The following WASF3 variants were observed in gnomAD, a reference collection of about 807,000 sequenced individuals.
WASF3 encodes WASP family member 3, also known as actin-binding protein WASF3.
A neutral mutation model predicts 46.6 loss-of-function variants in WASF3; 11 were observed. That is an observed-to-expected ratio of 0.24 (90% CI 0.15 to 0.39). The LOEUF (loss-of-function observed/expected upper bound fraction) is 0.39. WASF3 is among the 10% of genes least tolerant of loss of function. The pLI is 1.00. For synonymous variants in WASF3, 242 were observed against 259.7 expected (o/e 0.93, Z 0.65); for missense variants, 576 against 669.8 (o/e 0.86, Z 1.55).
At chr13:26,616,889 C>T (rs1195761993) in intron 2 of WASF3, among the ~76,000 whole-genome samples, 1 of 152,158 alleles carries the variant, frequency 6.6e-6, no homozygotes, top group Non-Finnish European at 1.5e-5. Context: ...ACCTGAAGTA[C>T]TACAAGGTCA....
At chr13:26,661,049 G>A (rs941800750) in intron 3 of WASF3, among the ~76,000 whole-genome samples, 1 of 152,226 alleles carries the variant, frequency 6.6e-6, no homozygotes, top group African/African-American at 2.4e-5. Context: ...CTCACCCAGG[G>A]AGGGCATTAG....
At chr13:26,573,314 G>A (rs1593373130) in intron 1 of WASF3, among the ~76,000 whole-genome samples, 1 of 151,842 alleles carries the variant, frequency 6.6e-6, no homozygotes, top group Admixed American at 6.6e-5. Context: ...TTGTATTTGT[G>A]CATTTGCTCA....
At chr13:26,568,504 T>C (rs1277334509) in intron 1 of WASF3, among the ~76,000 whole-genome samples, 1 of 152,126 alleles carries the variant, frequency 6.6e-6, no homozygotes, top group Non-Finnish European at 1.5e-5. Context: ...TGATGAAGAC[T>C]CTGATTGTAT....
chr13:26,658,822 G>T (rs540742624), intron 3 of WASF3, among the ~76,000 whole-genome samples: 2 of 152,162 alleles, frequency 1.3e-5, no homozygotes, highest in African/African-American at 2.4e-5. Context: ...GAGCACAGAG[G>T]GGGTCAAATG....
chr13:26,544,904 T>C, the WASF3 span, among the ~76,000 whole-genome samples: 1 of 152,242 alleles, frequency 6.6e-6, no homozygotes, highest in South Asian at 2.1e-4. Context: ...TCAAGGGCAC[T>C]CTGGACAGGC....
chr13:26,566,907 C>A (rs1879483362), intron 1 of WASF3, among the ~76,000 whole-genome samples: 1 of 152,334 alleles, frequency 6.6e-6, no homozygotes, highest in Admixed American at 6.5e-5. Flanking sequence ...GAAAGGAAAT[C>A]ATCCTCAGCT....
intron 3 of WASF3, among the ~76,000 whole-genome samples, chr13:26,646,687 C>T (rs1882159883): frequency 6.6e-6 from 1 of 152,178 alleles, no homozygotes; most frequent in Non-Finnish European, 1.5e-5. Flanking sequence ...AACACCAGTG[C>T]AACTTAGGGA....
chr13:26,606,183 T>G (rs1054483993), intron 1 of WASF3, among the ~76,000 whole-genome samples: 3 of 152,078 alleles, frequency 2.0e-5, no homozygotes, highest in African/African-American at 7.2e-5. Flanking sequence ...TTAGGGAAAC[T>G]TAGGTTTAAA....
At chr13:26,651,694 G>A (rs1689933342) in intron 3 of WASF3, among the ~76,000 whole-genome samples, 3 of 152,022 alleles carry the variant, frequency 2.0e-5, no homozygotes, top group African/African-American at 2.4e-5. Context: ...AGTAAATATG[G>A]GATTAAATAG....
At chr13:26,667,729 T>C (rs1440823826) in intron 5 of WASF3, 59 bp downstream of exon 5, 4 of 1,535,612 alleles carry the variant, frequency 2.6e-6, no homozygotes, top group Non-Finnish European at 3.5e-6. Context: ...TGGGCAGAGC[T>C]GGGAGCAAGC....
intron 2 of WASF3, among the ~76,000 whole-genome samples, chr13:26,634,716 T>C (rs1386698050): frequency 6.6e-6 from 1 of 152,208 alleles, no homozygotes; most frequent in Non-Finnish European, 1.5e-5. Context: ...TGCTTGTCTG[T>C]GAAGGATTTT....
At chr13:26,666,354 A>G (rs538471311) in intron 4 of WASF3, among the ~76,000 whole-genome samples, 27 of 152,294 alleles carry the variant, frequency 1.8e-4, no homozygotes, top group African/African-American at 6.0e-4. Flanking sequence ...GGTAAATTAA[A>G]TTTTATGAGA....
intron 2 of WASF3, among the ~76,000 whole-genome samples, chr13:26,623,003 C>G (rs1049551080): frequency 6.6e-6 from 1 of 152,118 alleles, no homozygotes; most frequent in African/African-American, 2.4e-5. Context: ...GGTGACAAAC[C>G]CATCTGAGAG....
chr13:26,685,950 A>G lies in WASF3; in HGVS notation c.*105A>G. 1 of 1,438,364 alleles carries G rather than the reference A, an allele frequency of 7.0e-7. No homozygotes were observed. Among genetic ancestry groups the G allele is most frequent in the Non-Finnish European group, 9.3e-7 (1 of 1,077,008 alleles). The allele number at this position is 1,438,364 out of a possible 1,614,324, so 89.1% of individuals were successfully genotyped here. A position where few individuals can be genotyped will look rare whatever the true frequency, so the allele number is the denominator to read the frequency against. ...AATCCCGTAGCATAGCACCTTTTGTATAAACAATGTGATATTGCTTCTGCA... is the reference window on the plus strand; with the variant it reads ...AATCCCGTAGCATAGCACCTTTTGTGTAAACAATGTGATATTGCTTCTGCA... On this transcript the variant is annotated 3_prime_UTR_variant, in exon 10 of 10. Transcript: ENST00000335327.
chr13:26,583,163 T>C (rs1880033461), intron 1 of WASF3, among the ~76,000 whole-genome samples: 1 of 152,202 alleles, frequency 6.6e-6, no homozygotes, highest in Non-Finnish European at 1.5e-5. Context: ...CATAATGATT[T>C]ATGGGTTAAG....
intron 1 of WASF3, among the ~76,000 whole-genome samples, chr13:26,596,005 G>T (rs1438788843): frequency 1.3e-5 from 2 of 152,034 alleles, no homozygotes; most frequent in Admixed American, 1.3e-4. Context: ...AAATACCCAT[G>T]AATGTGATTA....
chr13:26,633,984 G>A (rs1379647362), intron 2 of WASF3, among the ~76,000 whole-genome samples: 2 of 152,200 alleles, frequency 1.3e-5, no homozygotes, highest in African/African-American at 4.8e-5. Flanking sequence ...GGGGTGGAGA[G>A]TTCTGTAGAT....
At chr13:26,582,487 G>A (rs546126374) in intron 1 of WASF3, among the ~76,000 whole-genome samples, 1 of 151,880 alleles carries the variant, frequency 6.6e-6, no homozygotes, top group Non-Finnish European at 1.5e-5. Context: ...AACAGCCTGG[G>A]CAACACAGTG....
At chr13:26,582,873 A>G (rs1327546874) in intron 1 of WASF3, among the ~76,000 whole-genome samples, 1 of 152,100 alleles carries the variant, frequency 6.6e-6, no homozygotes, top group Admixed American at 6.5e-5. Context: ...GTGTTCTGAG[A>G]CCATACCTTG....
Sources: gnomAD v4.1 joint callset for allele counts (sites outside exome capture counted in the v4.1 genomes callset) on GRCh38, gnomAD v4.1.1 for gene constraint, MANE v1.5 for transcripts, NCBI Gene and HGNC (gene_info 2026-07-23, HGNC 2026-07-21) for gene names.